AGPAT3: variants seen among roughly 807,000 people sequenced by gnomAD.
AGPAT3 encodes the protein 1-acyl-sn-glycerol-3-phosphate acyltransferase gamma.
AGPAT3 carries 5 observed loss-of-function variants against 47.3 expected under a neutral mutation model. The observed-to-expected ratio is 0.11, with a 90% CI of 0.06 to 0.22. The LOEUF is 0.22. AGPAT3 is among the 10% of genes least tolerant of loss of function. AGPAT3 has a pLI of 1.00. For missense variants in AGPAT3, 315 were observed against 493.0 expected (o/e 0.64, Z 3.42); for synonymous variants, 212 against 208.3 (o/e 1.02, Z -0.15).
At chr21:43,942,940 C>T (rs2087714675) in intron 2 of AGPAT3, among the ~76,000 whole-genome samples, 1 of 152,230 alleles carries the variant, frequency 6.6e-6, no homozygotes, top group Admixed American at 6.5e-5. Flanking sequence ...AGCCCCTTGC[C>T]TGTTGGGGAT....
At chr21:43,926,022 T>C (rs747022410) in intron 2 of AGPAT3, among the ~76,000 whole-genome samples, 7 of 152,264 alleles carry the variant, frequency 4.6e-5, no homozygotes, top group Non-Finnish European at 1.0e-4. Flanking sequence ...CAGTGTCCGA[T>C]GGAGAAGTCT....
intron 3 of AGPAT3, chr21:43,960,651 A>C: frequency 1.4e-6 from 1 of 714,270 alleles, no homozygotes; most frequent in Non-Finnish European, 1.7e-6. Flanking sequence ...ACTAGAAGCA[A>C]CCCAAGCACC....
intron 2 of AGPAT3, among the ~76,000 whole-genome samples, chr21:43,958,159 C>G (rs947883101): frequency 1.3e-5 from 2 of 152,198 alleles, no homozygotes; most frequent in African/African-American, 4.8e-5. Flanking sequence ...GCCTTCACCA[C>G]AAGTTAATCA....
chr21:43,902,062 G>A (rs547712961), intron 1 of AGPAT3, among the ~76,000 whole-genome samples: 1 of 152,262 alleles, frequency 6.6e-6, no homozygotes, highest in South Asian at 2.1e-4. Context: ...TCCCGAAGAA[G>A]CTCAACAAAT....
chr21:43,945,847 A>G (rs1354356035), intron 2 of AGPAT3, among the ~76,000 whole-genome samples: 2 of 152,216 alleles, frequency 1.3e-5, no homozygotes, highest in African/African-American at 2.4e-5. Flanking sequence ...TGGAATGCCT[A>G]CATCATCTCA....
intron 3 of AGPAT3, among the ~76,000 whole-genome samples, chr21:43,964,246 A>G (rs556889099): frequency 4.9e-4 from 75 of 152,090 alleles, no homozygotes; most frequent in Middle Eastern, 3.4e-3. Flanking sequence ...TTAGCCTGGC[A>G]TGGTGGTGGG....
intron 1 of AGPAT3, among the ~76,000 whole-genome samples, chr21:43,881,227 T>C (rs2085848083): frequency 2.6e-5 from 4 of 152,200 alleles, no homozygotes; most frequent in Admixed American, 2.6e-4. Flanking sequence ...GGGGAGTGGG[T>C]CAATTTTTTC....
At chr21:43,974,808 C>T (rs2089543170) in intron 7 of AGPAT3, among the ~76,000 whole-genome samples, 1 of 152,114 alleles carries the variant, frequency 6.6e-6, no homozygotes, top group South Asian at 2.1e-4. Context: ...GCAGGCCCCT[C>T]CCCTCACTGT....
intron 4 of AGPAT3, among the ~76,000 whole-genome samples, chr21:43,968,635 T>C (rs1317403472): frequency 6.6e-6 from 1 of 151,994 alleles, no homozygotes; most frequent in African/African-American, 2.4e-5. Context: ...CCTGGCTGGT[T>C]GAGGGGCCCT....
rs369386680 is a variant in AGPAT3, at chr21:43,953,340, T to C, written c.-48-6294T>C. Among the ~76,000 whole-genome samples the C allele has an allele frequency of 5.3e-5, 8 of 152,306 alleles. No homozygotes were observed. In the South Asian group the frequency reaches 1.7e-3, roughly 32 times the overall value. ...ATGTTCGGCAGTATTCTGTCGGTAT[T>C]CATTTCTTGGGTGTGCTCATGGTGT... On this transcript the variant is annotated intron_variant, in intron 2 of 9. Coordinates refer to ENST00000291572, the MANE Select transcript of AGPAT3 (RefSeq NM_020132.5).
rs1309084079 is a variant in AGPAT3, at chr21:43,970,904, A to G, written c.664+98A>G. On this transcript the variant is annotated intron_variant, in intron 6 of 9. Coordinates refer to ENST00000291572, the MANE Select transcript of AGPAT3 (RefSeq NM_020132.5). This position sits in a 1 kb window ranked among gnomAD's most constrained non-coding sequence, Gnocchi z 5.8. ...AAAATGAGTGCATTCCATGTGAAAC[A>G]CAGAAGAACAGAAGTGCAAAAGGAA... The G allele has an allele frequency of 1.5e-6, 2 of 1,310,352 alleles. No individual in the cohort carries two copies. Among genetic ancestry groups the G allele is most frequent in the Non-Finnish European group, 2.0e-6 (2 of 1,007,054 alleles). 81.2% of individuals were successfully genotyped at this position (1,310,352 alleles called of 1,614,324 possible). A position where few individuals can be genotyped will look rare whatever the true frequency, so the allele number is the denominator to read the frequency against.
At chr21:43,906,860 A>G (rs1255092437) in intron 2 of AGPAT3, among the ~76,000 whole-genome samples, 2 of 152,154 alleles carry the variant, frequency 1.3e-5, no homozygotes, top group African/African-American at 4.8e-5. Flanking sequence ...CGACACACAC[A>G]TGCTGGGTGG....
chr21:43,929,054 G>A (rs1601332264), intron 2 of AGPAT3, among the ~76,000 whole-genome samples: 1 of 152,200 alleles, frequency 6.6e-6, no homozygotes, highest in Non-Finnish European at 1.5e-5. Flanking sequence ...TGAAAACTCC[G>A]TGCGTTCTCG....
intron 2 of AGPAT3, among the ~76,000 whole-genome samples, chr21:43,945,136 T>C (rs1452523500): frequency 2.0e-5 from 3 of 152,188 alleles, no homozygotes; most frequent in Non-Finnish European, 4.4e-5. Flanking sequence ...GCCCTGCAGG[T>C]GGCGGTTTGC....
intron 1 of AGPAT3, among the ~76,000 whole-genome samples, chr21:43,898,474 C>G (rs1215879057): frequency 6.6e-6 from 1 of 152,238 alleles, no homozygotes; most frequent in Non-Finnish European, 1.5e-5. Flanking sequence ...CAAGGACCTG[C>G]AAGCATCCTT....
chr21:43,960,807 A>C, intron 3 of AGPAT3: 1 of 979,240 alleles, frequency 1.0e-6, no homozygotes, highest in Non-Finnish European at 1.2e-6. Flanking sequence ...TTGTGTCTTA[A>C]GAAAGGATGC....
At chr21:43,969,420 T>A in intron 5 of AGPAT3, 141 bp downstream of exon 5, 1 of 1,100,930 alleles carries the variant, frequency 9.1e-7, no homozygotes, top group African/African-American at 1.6e-5. Flanking sequence ...GGGCCATGAC[T>A]CCCCCATCTG....
At chr21:43,938,016 G>A (rs1397933714) in intron 2 of AGPAT3, among the ~76,000 whole-genome samples, 1 of 152,082 alleles carries the variant, frequency 6.6e-6, no homozygotes, top group African/African-American at 2.4e-5. Context: ...GCTGCAGAGG[G>A]AGGAGGAAGC....
At chr21:43,903,559 G>A (rs2086407618) in intron 1 of AGPAT3, among the ~76,000 whole-genome samples, 2 of 152,228 alleles carry the variant, frequency 1.3e-5, no homozygotes, top group Admixed American at 6.5e-5. Flanking sequence ...AGCAGCGGGA[G>A]CGCATGTAAG....
Sources: gnomAD v4.1 joint callset for allele counts (sites outside exome capture counted in the v4.1 genomes callset) on GRCh38, gnomAD v4.1.1 for gene constraint, Gnocchi (gnomAD v3.1) non-coding constraint, MANE v1.5 for transcripts, NCBI Gene and HGNC (gene_info 2026-07-23, HGNC 2026-07-21) for gene names.